Variants in PCDHA7 observed in about 807,000 individuals in gnomAD.
PCDHA7 encodes protocadherin alpha 7.
In PCDHA7, 37 loss-of-function variants were observed where a neutral mutation model predicts 57.2. The ratio of observed to expected loss-of-function variants is 0.65; its 90% confidence interval spans 0.50 to 0.85. The LOEUF (loss-of-function observed/expected upper bound fraction) is 0.85. PCDHA7 is among the 40% of genes least tolerant of loss of function. PCDHA7 has a pLI of 0.00. For synonymous variants in PCDHA7, 553 were observed against 558.8 expected, an observed-to-expected ratio of 0.99 and a Z score of 0.15; for missense variants, 1,188 against 1,241.8, an observed-to-expected ratio of 0.96 and a Z score of 0.65.
chr5:140,968,768 C>T, intron 1 of PCDHA7: 1 of 1,614,174 alleles, frequency 6.2e-7, no homozygotes, highest in South Asian at 1.1e-5. Flanking sequence ...TAATGGAGAG[C>T]CATCACTATC....
chr5:140,841,077 G>A, intron 1 of PCDHA7: 1 of 526,540 alleles, frequency 1.9e-6, no homozygotes, highest in South Asian at 2.8e-5. Flanking sequence ...GAAATAGAAA[G>A]TGCATAGAAG....
intron 1 of PCDHA7, chr5:140,842,359 C>G: frequency 6.2e-7 from 1 of 1,606,650 alleles, no homozygotes; most frequent in Non-Finnish European, 8.5e-7. Context: ...AAAATGATAA[C>G]GTCCCTGAGA....
intron 1 of PCDHA7, among the ~76,000 whole-genome samples, chr5:140,943,453 G>A (rs545980639): frequency 2.6e-5 from 4 of 152,040 alleles, no homozygotes; most frequent in Non-Finnish European, 5.9e-5. Context: ...GAATTGATAA[G>A]GCTAAATGTG....
At chr5:140,865,810 T>A (rs1350387651) in intron 1 of PCDHA7, 1 of 152,186 alleles carries the variant, frequency 6.6e-6, no homozygotes, top group Non-Finnish European at 1.5e-5. Flanking sequence ...CATTCTTTTA[T>A]CCACTATAAT....
intron 1 of PCDHA7, chr5:140,857,075 A>G: frequency 6.3e-7 from 1 of 1,597,052 alleles, no homozygotes; most frequent in African/African-American, 1.3e-5. Context: ...ACTGGATGAA[A>G]ATGATAATTC....
chr5:140,853,435 A>G lies in PCDHA7; in HGVS notation c.2355+16697A>G, dbSNP rs2150531946. ...GTGAAAGCAGAAGAGACACTTTCCTATTTTGCCTAATAGGTCTCCTTATAT... is the reference window on the plus strand; with the variant it reads ...GTGAAAGCAGAAGAGACACTTTCCTGTTTTGCCTAATAGGTCTCCTTATAT... On this transcript the variant is annotated intron_variant, in intron 1 of 3. Coordinates refer to ENST00000525929, the MANE Select transcript of PCDHA7 (RefSeq NM_018910.3). 6.1e-5 allele frequency: 60 copies of G among 984,096 alleles called. 8 individuals carry two copies. Among genetic ancestry groups the G allele is most frequent in the Non-Finnish European group, 6.7e-5 (55 of 816,498 alleles). The allele number at this position is 984,096 out of a possible 1,614,324, so 61.0% of individuals were successfully genotyped here.
At chr5:140,941,210 TCTTC>T (rs1480454721) in intron 1 of PCDHA7, among the ~76,000 whole-genome samples, 2,917 of 100,514 alleles carry the variant, frequency 0.029, 68 homozygotes, top group South Asian at 0.045. Flanking sequence ...TTCCTTTCTT[TCTTC>T]CTTTCTTTCT....
chr5:140,845,841 A>C (rs1160077154), intron 1 of PCDHA7, among the ~76,000 whole-genome samples: 1 of 149,848 alleles, frequency 6.7e-6, no homozygotes, highest in African/African-American at 2.4e-5. Flanking sequence ...CATTCTTAAG[A>C]GAAAAGAAGT....
In PCDHA7 at chr5:140,855,370, A is replaced by C. The variant is rs1007316942; in HGVS notation, c.2355+18632A>C. Among the ~76,000 whole-genome samples the C allele has an allele frequency of 2.7e-5, 4 of 150,058 alleles. 1 individual carries two copies. Among genetic ancestry groups the C allele is most frequent in the Non-Finnish European group, 6.0e-5 (4 of 67,120 alleles). On this transcript the variant is annotated intron_variant, in intron 1 of 3. Transcript: ENST00000525929. ...AGTCATGTGGCTAGTGAGTAGGATA[A>C]TAGGAATCTAAATGGAGAAATGTCT...
chr5:140,875,329 T>C, intron 1 of PCDHA7: 1 of 1,437,476 alleles, frequency 7.0e-7, no homozygotes, highest in Non-Finnish European at 9.1e-7. Flanking sequence ...ATTCACGGAA[T>C]AGGATCGACT....
intron 1 of PCDHA7, among the ~76,000 whole-genome samples, chr5:140,954,765 C>T (rs1305270750): frequency 6.6e-6 from 1 of 152,064 alleles, no homozygotes; most frequent in Non-Finnish European, 1.5e-5. Context: ...TGCAGAAGCT[C>T]TTTAATTTAA....
chr5:140,999,528 T>A (rs1414595805), intron 3 of PCDHA7, among the ~76,000 whole-genome samples: 1 of 152,080 alleles, frequency 6.6e-6, no homozygotes, highest in Non-Finnish European at 1.5e-5. Context: ...TGTTACCCCC[T>A]GGATATGACA....
chr5:140,884,441 G>A, intron 1 of PCDHA7: 2 of 1,613,812 alleles, frequency 1.2e-6, no homozygotes, highest in Non-Finnish European at 1.7e-6. Flanking sequence ...GCGGTGCTCG[G>A]CACCGCCCAC....
intron 1 of PCDHA7, among the ~76,000 whole-genome samples, chr5:140,914,914 G>A (rs2076876381): frequency 7.0e-6 from 1 of 143,682 alleles, no homozygotes; most frequent in African/African-American, 2.6e-5. Context: ...GTTTCTCTGT[G>A]TCTTATTGTA....
At chr5:140,864,861 G>C (rs2048633310) in intron 1 of PCDHA7, 1 of 152,100 alleles carries the variant, frequency 6.6e-6, no homozygotes, top group African/African-American at 2.4e-5. Flanking sequence ...ATGATGAAGG[G>C]TGATACCATT....
chr5:140,839,351 T>C (rs1465264211), intron 1 of PCDHA7, among the ~76,000 whole-genome samples: 3 of 147,262 alleles, frequency 2.0e-5, no homozygotes, highest in Non-Finnish European at 4.5e-5. Context: ...GGATCCTCCT[T>C]AGCCACCTAA....
chr5:140,870,572 C>T (rs782477275), intron 1 of PCDHA7: 1 of 1,613,946 alleles, frequency 6.2e-7, no homozygotes, highest in Non-Finnish European at 8.5e-7. Context: ...GCGCTGGTGT[C>T]CTACTCGCTG....
chr5:140,966,589 GGCCAGGA>G (rs1554228448), intron 1 of PCDHA7: 2 of 580,716 alleles, frequency 3.4e-6, no homozygotes, highest in Non-Finnish European at 5.5e-6. Flanking sequence ...AGGACGGTGG[GGCCAGGA>G]GCCCTTGGGA....
At chr5:140,916,261 A>C (rs2077497892) in intron 1 of PCDHA7, among the ~76,000 whole-genome samples, 1 of 152,168 alleles carries the variant, frequency 6.6e-6, no homozygotes. Context: ...GGACCCCAAG[A>C]GCATGCTTGT....
Sources: allele counts gnomAD v4.1 joint callset (sites outside exome capture counted in the v4.1 genomes callset), GRCh38; gene constraint gnomAD v4.1.1; transcripts MANE v1.5; gene names NCBI Gene and HGNC (gene_info 2026-07-23, HGNC 2026-07-21).